Variants in PTPRT observed in about 807,000 individuals in gnomAD.
PTPRT encodes the protein protein tyrosine phosphatase receptor type T, also known as receptor-type tyrosine-protein phosphatase T.
Under a neutral mutation model 176.8 loss-of-function variants are expected in PTPRT, and 56 were observed. That is an observed-to-expected ratio of 0.32 (90% CI 0.26 to 0.40). The LOEUF is 0.40. PTPRT is among the 10% of genes least tolerant of loss of function. PTPRT has a pLI of 1.00. For missense variants in PTPRT, 1,540 were observed against 1,908.2 expected, an observed-to-expected ratio of 0.81 and a Z score of 3.60; for synonymous variants, 783 against 739.0, an observed-to-expected ratio of 1.06 and a Z score of -0.96.
chr20:42,557,356 C>T (rs778873691), intron 7 of PTPRT, among the ~76,000 whole-genome samples: 20 of 152,170 alleles, frequency 1.3e-4, no homozygotes, highest in Admixed American at 8.5e-4. Context: ...TGCTCCTACC[C>T]CTTGCTCTGC....
intron 2 of PTPRT, among the ~76,000 whole-genome samples, chr20:42,842,219 G>A (rs775095256): frequency 6.6e-6 from 1 of 152,150 alleles, no homozygotes; most frequent in African/African-American, 2.4e-5. Context: ...GTTGGAAGTG[G>A]TTTTTATGGT....
chr20:42,127,043 G>A (rs555307247), intron 19 of PTPRT, among the ~76,000 whole-genome samples: 4 of 148,484 alleles, frequency 2.7e-5, no homozygotes, highest in African/African-American at 5.3e-5. Flanking sequence ...TGTTTCAGAC[G>A]AGGCAATTCA....
intron 6 of PTPRT, among the ~76,000 whole-genome samples, chr20:42,709,520 T>C (rs1183579279): frequency 1.3e-5 from 2 of 152,248 alleles, no homozygotes; most frequent in African/African-American, 2.4e-5. Flanking sequence ...TAGAAATAGA[T>C]GCTACCAGTA....
intron 2 of PTPRT, among the ~76,000 whole-genome samples, chr20:42,799,769 G>A (rs1375733128): frequency 1.3e-5 from 2 of 152,186 alleles, no homozygotes; most frequent in Admixed American, 6.5e-5. Context: ...CCGTAAGCAA[G>A]AATTCTGTCT....
chr20:43,081,025 C>T (rs1367203073), intron 1 of PTPRT, among the ~76,000 whole-genome samples: 3 of 152,168 alleles, frequency 2.0e-5, no homozygotes, highest in Admixed American at 6.5e-5. Context: ...TTTTTTAATA[C>T]GATGTTAGAT....
chr20:43,158,409 T>C (rs191766895), intron 1 of PTPRT, among the ~76,000 whole-genome samples: 2 of 152,290 alleles, frequency 1.3e-5, no homozygotes, highest in East Asian at 3.9e-4. Flanking sequence ...AGGCAAGAGC[T>C]CTGGAGAGGG....
At chr20:42,828,977 C>T (rs374679353) in intron 2 of PTPRT, among the ~76,000 whole-genome samples, 5 of 152,000 alleles carry the variant, frequency 3.3e-5, no homozygotes, top group African/African-American at 1.2e-4. Flanking sequence ...TCCTCCAGAC[C>T]CCAGAATGTT....
At chr20:42,641,445 C>T (rs1208790190) in intron 7 of PTPRT, among the ~76,000 whole-genome samples, 2 of 152,162 alleles carry the variant, frequency 1.3e-5, no homozygotes. Context: ...TTTATACATT[C>T]TCTCTGTCTC....
In PTPRT at chr20:42,118,565, T is replaced by TC. The variant is rs1040696690; in HGVS notation, c.2885-66dup. ...GCAAAGCAGCAGCTGAGAAGGTTTG[T>TC]CCCCCCGGTTGGTCAAGTCTCCACA... On this transcript the variant is annotated intron_variant, in intron 20 of 30. Coordinates refer to ENST00000373187, the MANE Select transcript of PTPRT (RefSeq NM_007050.6). 200 of 1,440,560 alleles carry TC rather than the reference T, an allele frequency of 1.4e-4. 2 individuals carry two copies. The Admixed American group carries it at 1.9e-3, about 14-fold the overall frequency. The allele number at this position is 1,440,560 out of a possible 1,614,324, so 89.2% of individuals were successfully genotyped here. A position where few individuals can be genotyped will look rare whatever the true frequency, so the allele number is the denominator to read the frequency against.
chr20:42,899,449 C>T (rs1049596846), intron 1 of PTPRT, among the ~76,000 whole-genome samples: 1 of 152,240 alleles, frequency 6.6e-6, no homozygotes, highest in Non-Finnish European at 1.5e-5. Flanking sequence ...TGCCCTAGCA[C>T]GTGATGTGGC....
chr20:42,306,947 G>T (rs1319947087), intron 12 of PTPRT, among the ~76,000 whole-genome samples: 2 of 152,178 alleles, frequency 1.3e-5, no homozygotes, highest in Admixed American at 6.5e-5. Context: ...AGCAGCATAG[G>T]TGAAAGCACC....
chr20:42,215,936 A>T (rs1395930384), intron 15 of PTPRT, among the ~76,000 whole-genome samples: 1 of 152,092 alleles, frequency 6.6e-6, no homozygotes, highest in African/African-American at 2.4e-5. Flanking sequence ...TGAAGGCCTC[A>T]CCCTTTAGAT....
intron 1 of PTPRT, among the ~76,000 whole-genome samples, chr20:42,984,431 A>G (rs4812664): frequency 0.27 from 40,908 of 152,150 alleles, 5,714 homozygotes; most frequent in African/African-American, 0.34. Context: ...ACAGCTCTCC[A>G]CTTTCTGTAG....
intron 2 of PTPRT, among the ~76,000 whole-genome samples, chr20:42,820,739 C>A (rs996350472): frequency 3.3e-5 from 5 of 152,128 alleles, no homozygotes; most frequent in Non-Finnish European, 7.4e-5. Context: ...GATATTACCA[C>A]TGATCCCACA....
chr20:43,189,676 G>C lies in PTPRT; in HGVS notation c.58C>G (p.Leu20Val). ...GCGCTCTGAGCCCGGGCGCCGGGCA[G>C]TGGCGGCAGCTGCAGCCTCAGGAGC... ...SLLLRLQLPPLPGARAQSAAG... is the reference protein window; with the variant it reads ...SLLLRLQLPPVPGARAQSAAG... Residue 20 changes from leucine to valine, a missense_variant, in exon 1 of 31, where the codon CTG becomes GTG. Around this residue, in one of 11 missense-constraint regions of PTPRT, gnomAD observed 116 missense variants for 118.5 expected, o/e 0.98. Transcript: ENST00000373187. This position sits in a 1 kb window ranked among gnomAD's most constrained non-coding sequence, Gnocchi z 5.0. The C allele has an allele frequency of 7.6e-7, 1 of 1,319,628 alleles. No individual in the cohort carries two copies. The highest frequency in any genetic ancestry group is 9.7e-7 in the Non-Finnish European group (1 of 1,035,894). 81.7% of individuals were successfully genotyped at this position (1,319,628 alleles called of 1,614,324 possible).
intron 12 of PTPRT, among the ~76,000 whole-genome samples, chr20:42,295,807 T>C (rs762898224): frequency 2.0e-5 from 3 of 152,310 alleles, no homozygotes; most frequent in Admixed American, 6.5e-5. Flanking sequence ...GATTGGATCA[T>C]AGGGGTGGTT....
chr20:42,265,959 T>C (rs980676345), intron 13 of PTPRT, among the ~76,000 whole-genome samples: 5 of 152,026 alleles, frequency 3.3e-5, no homozygotes, highest in African/African-American at 1.2e-4. Flanking sequence ...GCCAAGGCCG[T>C]GATTTAAAGA....
intron 6 of PTPRT, among the ~76,000 whole-genome samples, chr20:42,699,666 T>A (rs1354655537): frequency 6.6e-6 from 1 of 152,194 alleles, no homozygotes; most frequent in Non-Finnish European, 1.5e-5. Flanking sequence ...GTAGTCTACA[T>A]AGTCCTGTTA....
intron 3 of PTPRT, among the ~76,000 whole-genome samples, chr20:42,787,003 T>A (rs1027054242): frequency 6.6e-6 from 1 of 152,214 alleles, no homozygotes; most frequent in African/African-American, 2.4e-5. Flanking sequence ...ACATAAAGTT[T>A]TGTTGGAACA....
Sources: gnomAD v4.1 joint callset for allele counts (sites outside exome capture counted in the v4.1 genomes callset) on GRCh38, gnomAD v4.1.1 for gene constraint, gnomAD v4.1.1 regional missense constraint, Gnocchi (gnomAD v3.1) non-coding constraint, MANE v1.5 for transcripts, NCBI Gene and HGNC (gene_info 2026-07-23, HGNC 2026-07-21) for gene names.